ZNF800: variants seen among roughly 807,000 people sequenced by gnomAD.
The protein encoded by ZNF800 is zinc finger protein 800.
In ZNF800, 13 loss-of-function variants were observed where a neutral mutation model predicts 59.5. That is an observed-to-expected ratio of 0.22 (90% CI 0.14 to 0.35). ZNF800 has a LOEUF of 0.35. Among genes scored for constraint, ZNF800 ranks in the 10% least tolerant of loss-of-function variants. The probability of loss-of-function intolerance (pLI) is 1.00; values close to 1 mark genes in which losing one functional copy is unlikely to be tolerated. For missense variants in ZNF800, 621 were observed against 783.7 expected (o/e 0.79, Z 2.48); for synonymous variants, 266 against 265.7 (o/e 1.00, Z -0.01).
chr7:127,366,191 C>T (rs538525468), downstream of ZNF800, among the ~76,000 whole-genome samples: 16 of 152,122 alleles, frequency 1.1e-4, 1 homozygote, highest in South Asian at 3.3e-3. Flanking sequence ...GACTGTTTCC[C>T]CAAAAGAATG....
At chr7:127,349,387 AATAAT>A (rs1360918752) in intron 1 of ZNF800, among the ~76,000 whole-genome samples, 2 of 152,232 alleles carry the variant, frequency 1.3e-5, no homozygotes, top group Non-Finnish European at 2.9e-5. Flanking sequence ...ATAAAATTAT[AATAAT>A]ATAACACAGG....
chr7:127,374,483 A>G lies in ZNF800; in HGVS notation c.853T>C (p.Leu285=). The change falls in exon 5 of 6, where the codon TTA becomes CTA. Residue 285 remains leucine (L), a synonymous_variant. Transcript: ENST00000265827. ...CAACATACTGGACAACTCCTACTTA[A>G]TGGAACTAGAACATTCTTACTGCGT... ...KGRSKNVLVP[L]SRSCPVCCKS... is the part of the protein sequence containing the mutation. 1 of 1,614,102 alleles carries G rather than the reference A, an allele frequency of 6.2e-7. No individual in the cohort carries two copies. Among genetic ancestry groups the G allele is most frequent in the Non-Finnish European group, 8.5e-7 (1 of 1,179,976 alleles).
rs1306969924 is a variant in ZNF800 at position 127,391,600 on chromosome 7, C to G, written c.-43G>C. The G allele has an allele frequency of 1.3e-6, 2 of 1,584,098 alleles. No individual in the cohort carries two copies. The highest frequency in any genetic ancestry group is 3.3e-5 in the Admixed American group (2 of 59,966). On this transcript the variant is annotated 5_prime_UTR_variant, in exon 2 of 6. Transcript: ENST00000265827. ...TACTTTGCTTTCACTGTAAGAAGCT[C>G]TTCATTGCGGCGTGGCTGTTGAAAG...
downstream of ZNF800, among the ~76,000 whole-genome samples, chr7:127,344,833 C>A (rs140117698): frequency 6.6e-6 from 1 of 151,916 alleles, no homozygotes; most frequent in East Asian, 1.9e-4. Flanking sequence ...ACACCTATAT[C>A]AAAAATAAAT....
chr7:127,381,761 A>AT (rs1474599628), intron 3 of ZNF800, among the ~76,000 whole-genome samples: 1 of 152,084 alleles, frequency 6.6e-6, no homozygotes, highest in African/African-American at 2.4e-5. Context: ...TAAATTTCCT[A>AT]TAACTGCTAT....
Position 127,391,588 on chromosome 7 carries a change from C to T in ZNF800, c.-31G>A. ...GTGGACTCGACCTACTTTGCTTTCACTGTAAGAAGCTCTTCATTGCGGCGT... is the reference window on the plus strand; with the variant it reads ...GTGGACTCGACCTACTTTGCTTTCATTGTAAGAAGCTCTTCATTGCGGCGT... On this transcript the variant is annotated 5_prime_UTR_variant, in exon 2 of 6. In the 5' UTR this introduces an upstream ATG that the reference lacks. Transcript: ENST00000265827. The T allele has an allele frequency of 6.2e-7, 1 of 1,605,956 alleles. No individual in the cohort carries two copies. Among genetic ancestry groups the T allele is most frequent in the Non-Finnish European group, 8.5e-7 (1 of 1,172,554 alleles).
chr7:127,351,526 T>C (rs1244733380), intron 1 of ZNF800: 1 of 152,238 alleles, frequency 6.6e-6, no homozygotes, highest in South Asian at 2.1e-4. Flanking sequence ...CTTAAAAGAA[T>C]AACTCACTTC....
At chr7:127,365,170 A>G (rs528333545), downstream of ZNF800, among the ~76,000 whole-genome samples, 2 of 152,308 alleles carry the variant, frequency 1.3e-5, no homozygotes, top group African/African-American at 2.4e-5. Context: ...ATACTAATAC[A>G]GTCAATGTAG....
rs1355004610 is a variant in ZNF800 at position 127,377,570 on chromosome 7, G to A, written c.158-241C>T. 1.3e-5 allele frequency among the ~76,000 whole-genome samples: 2 copies of A among 152,114 alleles called. No individual in the cohort carries two copies. Among genetic ancestry groups the A allele is most frequent in the East Asian group, 3.9e-4 (2 of 5,184 alleles). ...TTGATGCTGTGTTCCCACTTCAGCAGCCAATCAATTCTTGATATATCCCAA... is the reference window on the plus strand; with the variant it reads ...TTGATGCTGTGTTCCCACTTCAGCAACCAATCAATTCTTGATATATCCCAA... On this transcript the variant is annotated intron_variant, in intron 3 of 5. Coordinates refer to ENST00000265827, the MANE Select transcript of ZNF800 (RefSeq NM_176814.5). This position sits in a 1 kb window ranked among gnomAD's most constrained non-coding sequence, Gnocchi z 4.7.
At chr7:127,378,506 T>C (rs775457146) in intron 3 of ZNF800, among the ~76,000 whole-genome samples, 2 of 152,074 alleles carry the variant, frequency 1.3e-5, no homozygotes, top group African/African-American at 4.8e-5. Context: ...AGGTGCAAAG[T>C]GTTGTGTCAT....
downstream of ZNF800, among the ~76,000 whole-genome samples, chr7:127,345,301 C>A (rs1276721143): frequency 6.6e-6 from 1 of 151,700 alleles, no homozygotes; most frequent in Non-Finnish European, 1.5e-5. Context: ...ATAGACCCCC[C>A]CCCCAAAGGT....
chr7:127,379,852 A>ACCCCCCCCCCCCCCC (rs1562907479), intron 3 of ZNF800, among the ~76,000 whole-genome samples: 3 of 16,160 alleles, frequency 1.9e-4, no homozygotes, highest in East Asian at 2.8e-3. Context: ...CCACCCCCCC[A>ACCCCCCCCCCCCCCC]CCCCCCCCAC....
Position 127,377,418 on chromosome 7 carries a change from A to G in ZNF800, c.158-89T>C. ...GGACAACCACTGTTGACAGACCAAA[A>G]GTGCAGTTACTCTTTGAAAACAAAA... On this transcript the variant is annotated intron_variant, in intron 3 of 5. Transcript: ENST00000265827. The surrounding 1 kb of genome is among the most constrained non-coding windows in gnomAD (Gnocchi z 4.7). 9.1e-7 allele frequency: 1 copy of G among 1,102,680 alleles called. No homozygotes were observed. Among genetic ancestry groups the G allele is most frequent in the Non-Finnish European group, 1.3e-6 (1 of 787,782 alleles). 68.3% of individuals were successfully genotyped at this position (1,102,680 alleles called of 1,614,324 possible).
chr7:127,369,824 G>A (rs1800589362), downstream of ZNF800, among the ~76,000 whole-genome samples: 1 of 151,858 alleles, frequency 6.6e-6, no homozygotes, highest in South Asian at 2.1e-4. Flanking sequence ...TTCCAGCAAT[G>A]GGCTCCCCTC....
chr7:127,366,941 C>T (rs1451660009), downstream of ZNF800, among the ~76,000 whole-genome samples: 1 of 151,994 alleles, frequency 6.6e-6, no homozygotes, highest in African/African-American at 2.4e-5. Context: ...TCAAGCTGTA[C>T]AGAAGGGGAA....
At chr7:127,354,175 C>T (rs781031472) in intron 1 of ZNF800, among the ~76,000 whole-genome samples, 1 of 152,082 alleles carries the variant, frequency 6.6e-6, no homozygotes, top group Non-Finnish European at 1.5e-5. Context: ...AGTAAATATA[C>T]AATTAGCTAT....
chr7:127,362,096 T>C (rs960339210), intron 1 of ZNF800: 2 of 152,088 alleles, frequency 1.3e-5, no homozygotes, highest in African/African-American at 2.4e-5. Context: ...AGGCCAAGCA[T>C]AGAGATACAA....
Position 127,377,116 on chromosome 7 carries a change from CA to C in ZNF800, c.301+69del. 7.4e-7 allele frequency: 1 copy of C among 1,342,368 alleles called. No individual in the cohort carries two copies. The highest frequency in any genetic ancestry group is 1.0e-6 in the Non-Finnish European group (1 of 992,336). The allele number at this position is 1,342,368 out of a possible 1,614,324, so 83.2% of individuals were successfully genotyped here. ...TCAGTAACTAGATACAATTTTAATGCAAATGTATACTTGCAGTATAAGAATA... is the reference window on the plus strand; with the variant it reads ...TCAGTAACTAGATACAATTTTAATGCAATGTATACTTGCAGTATAAGAATA... On this transcript the variant is annotated intron_variant, in intron 4 of 5. Transcript: ENST00000265827. This position sits in a 1 kb window ranked among gnomAD's most constrained non-coding sequence, Gnocchi z 4.7.
rs183103218 is a variant in ZNF800 at position 127,379,965 on chromosome 7, A to G, written c.158-2636T>C. Among the ~76,000 whole-genome samples, 8 of 150,884 alleles carry G rather than the reference A, an allele frequency of 5.3e-5. No individual in the cohort carries two copies. In the East Asian group the frequency reaches 1.6e-3, roughly 29 times the overall value. On this transcript the variant is annotated intron_variant, in intron 3 of 5. Transcript: ENST00000265827. The stretch of plus-strand genomic sequence containing the variant: ...TTCTTTCAGGTCCACAGATACACCA[A>G]ATGTATTCTTTCCCTCACTTTTCAG...
Sources: gnomAD v4.1 joint callset for allele counts (sites outside exome capture counted in the v4.1 genomes callset) on GRCh38, gnomAD v4.1.1 for gene constraint, Gnocchi (gnomAD v3.1) non-coding constraint, MANE v1.5 for transcripts, NCBI Gene and HGNC (gene_info 2026-07-23, HGNC 2026-07-21) for gene names.